NDUFS4: variants seen among roughly 807,000 people sequenced by gnomAD.
The protein encoded by NDUFS4 is NADH:ubiquinone oxidoreductase subunit S4, also known as NADH dehydrogenase [ubiquinone] iron-sulfur protein 4, mitochondrial.
Under a neutral mutation model 24.3 loss-of-function variants are expected in NDUFS4, and 28 were observed. The observed-to-expected ratio is 1.15, with a 90% CI of 0.85 to 1.58. The LOEUF (loss-of-function observed/expected upper bound fraction) is 1.58. Among genes scored for constraint, NDUFS4 ranks in the 40% most tolerant of loss-of-function variants. The pLI is 0.00. For missense variants in NDUFS4, 223 were observed against 207.9 expected (o/e 1.07, Z -0.45); for synonymous variants, 93 against 69.7 (o/e 1.34, Z -1.67).
chr5:53,575,013 C>T (rs1395236934), intron 1 of NDUFS4, among the ~76,000 whole-genome samples: 2 of 152,180 alleles, frequency 1.3e-5, no homozygotes, highest in African/African-American at 4.8e-5. Context: ...ATTTTTGGCT[C>T]CCGCACATTT....
chr5:53,573,644 A>G (rs755378240), intron 1 of NDUFS4: 79 of 446,832 alleles, frequency 1.8e-4, no homozygotes, highest in Non-Finnish European at 3.3e-4. Flanking sequence ...GCTGGAGTGC[A>G]GTGGTGCAAT....
At chr5:53,681,876 G>T (rs1740676587) in intron 4 of NDUFS4, among the ~76,000 whole-genome samples, 1 of 152,068 alleles carries the variant, frequency 6.6e-6, no homozygotes, top group Non-Finnish European at 1.5e-5. Context: ...GATGAGTTGA[G>T]TTCCATAGGC....
chr5:53,660,960 C>T (rs1264305843), intron 4 of NDUFS4, among the ~76,000 whole-genome samples: 1 of 152,156 alleles, frequency 6.6e-6, no homozygotes, highest in East Asian at 1.9e-4. Flanking sequence ...TGCCTGTTCA[C>T]TCTGATGGTA....
chr5:53,645,494 T>G (rs1283948130), intron 2 of NDUFS4, among the ~76,000 whole-genome samples: 2 of 152,204 alleles, frequency 1.3e-5, no homozygotes, highest in Non-Finnish European at 2.9e-5. Flanking sequence ...GGCATCAAAA[T>G]TCTGTGCATT....
intron 1 of NDUFS4, among the ~76,000 whole-genome samples, chr5:53,574,216 G>A (rs573392487): frequency 6.6e-6 from 1 of 152,276 alleles, no homozygotes; most frequent in Non-Finnish European, 1.5e-5. Flanking sequence ...GTTAGCTAAA[G>A]GTTTTTTGTA....
At chr5:53,603,359 CAG>C (rs1750389821) in intron 1 of NDUFS4, 91 bp from the exon 2 acceptor site, 3 of 643,660 alleles carry the variant, frequency 4.7e-6, no homozygotes, top group South Asian at 3.5e-5. Flanking sequence ...TTTAATAAGA[CAG>C]ATATTGTTAA....
At chr5:53,561,085 C>T (rs1748827407) in intron 1 of NDUFS4, among the ~76,000 whole-genome samples, 3 of 152,190 alleles carry the variant, frequency 2.0e-5, no homozygotes, top group Non-Finnish European at 1.5e-5. Context: ...GGAGGAGTCT[C>T]ACTGATTTCT....
intron 1 of NDUFS4, among the ~76,000 whole-genome samples, chr5:53,587,123 C>T (rs72751831): frequency 0.26 from 39,698 of 151,850 alleles, 5,846 homozygotes; most frequent in Admixed American, 0.35. Flanking sequence ...TGCACCCGGC[C>T]GAGTTATATA....
intron 1 of NDUFS4, among the ~76,000 whole-genome samples, chr5:53,570,467 G>T (rs926177450): frequency 6.6e-6 from 1 of 152,092 alleles, no homozygotes; most frequent in Non-Finnish European, 1.5e-5. Flanking sequence ...TGTAAATAGA[G>T]CTTCTGTACA....
intron 4 of NDUFS4, among the ~76,000 whole-genome samples, chr5:53,680,933 G>A (rs371335783): frequency 6.6e-6 from 1 of 152,156 alleles, no homozygotes; most frequent in Admixed American, 6.6e-5. Context: ...CAGGGCCTTT[G>A]CAGTTACTGT....
intron 1 of NDUFS4, chr5:53,573,587 T>C (rs184716212): frequency 2.2e-6 from 1 of 452,140 alleles, no homozygotes; most frequent in Admixed American, 2.4e-5. Context: ...AATTTTCTTT[T>C]CTTTATTTTT....
chr5:53,601,832 G>A (rs1449316865), intron 1 of NDUFS4, among the ~76,000 whole-genome samples: 1 of 152,166 alleles, frequency 6.6e-6, no homozygotes, highest in Non-Finnish European at 1.5e-5. Flanking sequence ...AGCCATCTTG[G>A]TGATAAGATT....
chr5:53,619,486 C>CAAAAAAAAA (rs70983366), intron 2 of NDUFS4, among the ~76,000 whole-genome samples: 1 of 49,106 alleles, frequency 2.0e-5, no homozygotes, highest in African/African-American at 8.6e-5. Context: ...GACTCTGTCT[C>CAAAAAAAAA]AAAAAAAAAA....
intron 2 of NDUFS4, among the ~76,000 whole-genome samples, chr5:53,605,198 G>C (rs1481815854): frequency 6.6e-6 from 1 of 152,130 alleles, no homozygotes; most frequent in East Asian, 1.9e-4. Context: ...TCCAGCCTGG[G>C]CAACAAGAGT....
chr5:53,636,834 G>T (rs142213010), intron 2 of NDUFS4, among the ~76,000 whole-genome samples: 15 of 152,214 alleles, frequency 9.9e-5, no homozygotes, highest in African/African-American at 3.1e-4. Context: ...TGTCGCATCT[G>T]CCCCCTTCTC....
intron 1 of NDUFS4, among the ~76,000 whole-genome samples, chr5:53,599,363 G>A (rs2112452112): frequency 6.6e-6 from 1 of 152,192 alleles, no homozygotes; most frequent in East Asian, 1.9e-4. Flanking sequence ...CATAGTGGTA[G>A]TACCATTTTA....
chr5:53,620,250 G>T (rs1214839576), intron 2 of NDUFS4, among the ~76,000 whole-genome samples: 1 of 151,980 alleles, frequency 6.6e-6, no homozygotes, highest in Non-Finnish European at 1.5e-5. Flanking sequence ...AATATACATG[G>T]CCTAGTTCTG....
At position 53,603,452 on chromosome 5, in the gene NDUFS4, G is replaced by A. The variant is rs200926524; in HGVS notation, c.99G>A (p.Arg33=). Residue 33 remains arginine (R), a splice_region_variant and synonymous_variant, in exon 2 of 5, where the codon AGG becomes AGA. Coordinates refer to ENST00000296684, the MANE Select transcript of NDUFS4 (RefSeq NM_002495.4). ...TTTAACTTAAAGTCTTGCACTGCAG[G>A]TCGTTGAGGACTTCCACATGGAGAT... ...AALSVSRVPT[R]SLRTSTWRLA... is the part of the protein sequence containing the mutation. The A allele has an allele frequency of 9.3e-6, 15 of 1,612,402 alleles. No homozygotes were observed. The Admixed American group carries it at 1.3e-4, about 14-fold the overall frequency.
intron 2 of NDUFS4, among the ~76,000 whole-genome samples, chr5:53,621,741 G>A (rs1312784202): frequency 5.2e-5 from 6 of 114,990 alleles, no homozygotes; most frequent in South Asian, 2.9e-4. Flanking sequence ...TCGCTCTGTC[G>A]CCCAGGCTGG....
Sources: allele counts gnomAD v4.1 joint callset (sites outside exome capture counted in the v4.1 genomes callset), GRCh38; gene constraint gnomAD v4.1.1; transcripts MANE v1.5; gene names NCBI Gene and HGNC (gene_info 2026-07-23, HGNC 2026-07-21).